Variants in NKAIN3 observed in about 807,000 individuals in gnomAD.
The protein encoded by NKAIN3 is sodium/potassium transporting ATPase interacting 3.
Under a neutral mutation model 30.2 loss-of-function variants are expected in NKAIN3, and 25 were observed. That is an observed-to-expected ratio of 0.83 (90% confidence interval 0.60 to 1.16). NKAIN3 has a LOEUF of 1.16. NKAIN3 is among the 50% of genes most tolerant of loss of function. The probability of loss-of-function intolerance (pLI) is 0.00; values close to 1 mark genes in which losing one functional copy is unlikely to be tolerated. For synonymous variants in NKAIN3, 91 were observed against 89.6 expected (o/e 1.02, Z -0.09); for missense variants, 225 against 254.1 (o/e 0.89, Z 0.78).
chr8:62,896,144 A>T (rs1024791174), intron 4 of NKAIN3, among the ~76,000 whole-genome samples: 39 of 152,136 alleles, frequency 2.6e-4, no homozygotes, highest in African/African-American at 8.4e-4. Flanking sequence ...GGGTGCCAGC[A>T]TAGTCAGGCT....
intron 1 of NKAIN3, among the ~76,000 whole-genome samples, chr8:62,446,941 T>TGTGC (rs1310742154): frequency 6.6e-6 from 1 of 152,072 alleles, no homozygotes; most frequent in Non-Finnish European, 1.5e-5. Context: ...AGCTTTCATG[T>TGTGC]ATATCTATAT....
At chr8:62,302,793 G>GCTGGGCATGGTGGTGTGCACCTGT (rs1397843616) in intron 1 of NKAIN3, among the ~76,000 whole-genome samples, 1 of 151,182 alleles carries the variant, frequency 6.6e-6, no homozygotes. Context: ...TAGAATGATA[G>GCTGGGCATGGTGGTGTGCACCTGT]GGCTTGATCT....
chr8:62,462,490 A>G (rs757999380), intron 1 of NKAIN3, among the ~76,000 whole-genome samples: 2 of 152,188 alleles, frequency 1.3e-5, no homozygotes, highest in Non-Finnish European at 2.9e-5. Flanking sequence ...AAATCTTAAA[A>G]TGTCAGTACT....
At chr8:62,859,271 C>T (rs1586278268) in intron 4 of NKAIN3, among the ~76,000 whole-genome samples, 1 of 152,060 alleles carries the variant, frequency 6.6e-6, no homozygotes, top group Non-Finnish European at 1.5e-5. Flanking sequence ...CCTGACCAAT[C>T]CCACTGTGGA....
intron 4 of NKAIN3, among the ~76,000 whole-genome samples, chr8:62,825,979 A>G (rs1262907849): frequency 3.3e-5 from 5 of 152,170 alleles, no homozygotes; most frequent in African/African-American, 1.2e-4. Context: ...CCATGTCAAT[A>G]GCATCCCTGA....
intron 3 of NKAIN3, among the ~76,000 whole-genome samples, chr8:62,611,217 C>A (rs1296849926): frequency 1.3e-5 from 2 of 151,738 alleles, no homozygotes; most frequent in African/African-American, 4.8e-5. Context: ...ATTTATGGGG[C>A]ACATTAGATT....
intron 1 of NKAIN3, among the ~76,000 whole-genome samples, chr8:62,341,075 A>C (rs1179765329): frequency 6.6e-6 from 1 of 152,072 alleles, no homozygotes; most frequent in Non-Finnish European, 1.5e-5. Context: ...ACTCAGCTAC[A>C]GCAAGTGTTT....
intron 1 of NKAIN3, among the ~76,000 whole-genome samples, chr8:62,256,470 C>T (rs141517350): frequency 1.4e-3 from 214 of 152,192 alleles, no homozygotes; most frequent in African/African-American, 4.9e-3. Context: ...AGAAGAGTTG[C>T]TTCTCTTATG....
chr8:62,583,094 A>G (rs1166286262), intron 2 of NKAIN3, among the ~76,000 whole-genome samples: 1 of 152,064 alleles, frequency 6.6e-6, no homozygotes, highest in Non-Finnish European at 1.5e-5. Flanking sequence ...ATGTTTTATA[A>G]TTTGTTCATG....
chr8:62,474,717 A>C (rs1806459451), intron 1 of NKAIN3, among the ~76,000 whole-genome samples: 1 of 152,230 alleles, frequency 6.6e-6, no homozygotes, highest in East Asian at 1.9e-4. Flanking sequence ...TCAGATAAAC[A>C]AAAGATGAGA....
intron 4 of NKAIN3, among the ~76,000 whole-genome samples, chr8:62,851,162 G>A (rs1819883318): frequency 6.6e-6 from 1 of 151,990 alleles, no homozygotes; most frequent in Non-Finnish European, 1.5e-5. Context: ...TCCTTGAAGA[G>A]GTCCTTCACA....
intron 1 of NKAIN3, among the ~76,000 whole-genome samples, chr8:62,489,659 T>C (rs1256790805): frequency 2.0e-5 from 3 of 152,232 alleles, no homozygotes; most frequent in Non-Finnish European, 2.9e-5. Flanking sequence ...TTTAATTGTG[T>C]TCTTCATTCC....
chr8:62,608,484 C>G (rs1811193273), intron 3 of NKAIN3, among the ~76,000 whole-genome samples: 1 of 152,186 alleles, frequency 6.6e-6, no homozygotes, highest in Non-Finnish European at 1.5e-5. Flanking sequence ...AAAACTGGCA[C>G]AGCTCTGAAG....
At chr8:62,370,766 G>A (rs1252972624) in intron 1 of NKAIN3, among the ~76,000 whole-genome samples, 2 of 151,800 alleles carry the variant, frequency 1.3e-5, no homozygotes, top group Non-Finnish European at 2.9e-5. Flanking sequence ...TCTCAACTAT[G>A]GGCAAGAATG....
intron 1 of NKAIN3, among the ~76,000 whole-genome samples, chr8:62,294,733 T>A (rs985660690): frequency 6.6e-6 from 1 of 152,064 alleles, no homozygotes; most frequent in African/African-American, 2.4e-5. Flanking sequence ...TTGGTAGAGA[T>A]GGGGTCTCCC....
At chr8:62,393,003 G>A (rs1194782071) in intron 1 of NKAIN3, among the ~76,000 whole-genome samples, 3 of 152,092 alleles carry the variant, frequency 2.0e-5, no homozygotes, top group Non-Finnish European at 4.4e-5. Flanking sequence ...GAAAGGTTAA[G>A]AAAGATTAAC....
chr8:62,862,249 A>G (rs1355339628), intron 4 of NKAIN3, among the ~76,000 whole-genome samples: 2 of 152,204 alleles, frequency 1.3e-5, no homozygotes, highest in Non-Finnish European at 2.9e-5. Context: ...AATATTTCAC[A>G]TAGATAGCAG....
At chr8:62,748,506 G>C (rs1790185878) in intron 4 of NKAIN3, among the ~76,000 whole-genome samples, 1 of 152,062 alleles carries the variant, frequency 6.6e-6, no homozygotes, top group Non-Finnish European at 1.5e-5. Flanking sequence ...ATGTGAGAGG[G>C]GGCTATCAAA....
chr8:62,747,895 A>G (rs1292903898), intron 4 of NKAIN3, among the ~76,000 whole-genome samples: 2 of 152,178 alleles, frequency 1.3e-5, no homozygotes, highest in Non-Finnish European at 2.9e-5. Context: ...TGTTCAACTG[A>G]GCTTAGCTTA....
Sources: allele counts gnomAD v4.1 joint callset (sites outside exome capture counted in the v4.1 genomes callset), GRCh38; gene constraint gnomAD v4.1.1; transcripts MANE v1.5; gene names NCBI Gene and HGNC (gene_info 2026-07-23, HGNC 2026-07-21).